RPS6KA5: variants seen among roughly 807,000 people sequenced by gnomAD.
RPS6KA5 encodes ribosomal protein S6 kinase alpha-5.
Under a neutral mutation model 85.5 loss-of-function variants are expected in RPS6KA5, and 27 were observed. That is an observed-to-expected ratio of 0.32 (90% CI 0.23 to 0.44). The LOEUF is 0.44. Among genes scored for constraint, RPS6KA5 ranks in the 20% least tolerant of loss-of-function variants. RPS6KA5 has a pLI of 1.00. For synonymous variants in RPS6KA5, 334 were observed against 348.2 expected, an observed-to-expected ratio of 0.96 and a Z score of 0.46; for missense variants, 811 against 980.9, an observed-to-expected ratio of 0.83 and a Z score of 2.31.
chr14:91,009,104 A>G (rs887142792), intron 1 of RPS6KA5, among the ~76,000 whole-genome samples: 1 of 152,106 alleles, frequency 6.6e-6, no homozygotes, highest in African/African-American at 2.4e-5. Context: ...TTTTTTCCCT[A>G]TTGGCCCCTG....
intron 1 of RPS6KA5, among the ~76,000 whole-genome samples, chr14:91,033,136 G>A (rs981794874): frequency 5.3e-5 from 8 of 150,172 alleles, no homozygotes; most frequent in East Asian, 2.0e-4. Flanking sequence ...GCAGTGAGCC[G>A]ACATTGGGGC....
At chr14:90,932,285 G>A (rs553657698) in intron 5 of RPS6KA5, among the ~76,000 whole-genome samples, 107 of 152,014 alleles carry the variant, frequency 7.0e-4, no homozygotes, top group African/African-American at 2.3e-3. Context: ...CACCATGCTC[G>A]GCTAATTTTT....
Position 90,942,895 on chromosome 14 carries a change from G to C in RPS6KA5, c.618+183C>G, listed in dbSNP as rs998543865. Reference sequence around the variant, plus strand: ...TCTGATATACCCATCAAGGTTTACCGCAATTTTAACAGGACGGCTCCATAC... The same window carrying C: ...TCTGATATACCCATCAAGGTTTACCCCAATTTTAACAGGACGGCTCCATAC... On this transcript the variant is annotated intron_variant, in intron 5 of 16. Transcript: ENST00000614987. Among the ~76,000 whole-genome samples the C allele has an allele frequency of 3.3e-5, 5 of 151,980 alleles. No homozygotes were observed. The South Asian group carries it at 8.3e-4, about 25-fold the overall frequency.
intron 2 of RPS6KA5, among the ~76,000 whole-genome samples, chr14:90,994,709 G>A (rs1395290945): frequency 6.6e-6 from 1 of 151,192 alleles, no homozygotes; most frequent in Non-Finnish European, 1.5e-5. Context: ...CTAGCTGGGA[G>A]TACAGGTGCC....
chr14:90,961,774 T>G (rs191350624), intron 3 of RPS6KA5, among the ~76,000 whole-genome samples: 125 of 152,308 alleles, frequency 8.2e-4, no homozygotes, highest in African/African-American at 2.9e-3. Context: ...GACAGCAATT[T>G]ACATCTTGCA....
intron 6 of RPS6KA5, 127 bp from the exon 7 acceptor site, chr14:90,920,436 T>C (rs2036345699): frequency 1.6e-6 from 1 of 643,570 alleles, no homozygotes; most frequent in Admixed American, 2.9e-5. Context: ...CCTCCTTCTA[T>C]GTAAGGAGTA....
intron 5 of RPS6KA5, among the ~76,000 whole-genome samples, chr14:90,934,200 G>C (rs967358188): frequency 3.3e-5 from 5 of 152,134 alleles, no homozygotes; most frequent in African/African-American, 1.2e-4. Flanking sequence ...ATAGAACAGT[G>C]CCTGGATCAC....
At chr14:91,059,316 A>G (rs760947772) in intron 1 of RPS6KA5, among the ~76,000 whole-genome samples, 5 of 149,572 alleles carry the variant, frequency 3.3e-5, no homozygotes, top group Admixed American at 6.7e-5. Context: ...CTCCAGCCTG[A>G]GCAACAAGAG....
chr14:91,046,484 C>T (rs1330482701), intron 1 of RPS6KA5, among the ~76,000 whole-genome samples: 1 of 152,158 alleles, frequency 6.6e-6, no homozygotes, highest in East Asian at 1.9e-4. Flanking sequence ...ACCGCTAAGA[C>T]TCTGTTCATG....
At chr14:91,044,417 GAAA>G (rs2042775662) in intron 1 of RPS6KA5, among the ~76,000 whole-genome samples, 1 of 107,418 alleles carries the variant, frequency 9.3e-6, no homozygotes, top group Non-Finnish European at 1.9e-5. Context: ...AAGAAAGAAA[GAAA>G]GAAAGAAAGA....
intron 14 of RPS6KA5, among the ~76,000 whole-genome samples, chr14:90,881,837 T>C (rs2033864045): frequency 6.6e-6 from 1 of 152,212 alleles, no homozygotes; most frequent in Non-Finnish European, 1.5e-5. Flanking sequence ...TGGAATATCT[T>C]TTCCCATAGT....
At chr14:90,940,409 ACT>A (rs1442594642) in intron 5 of RPS6KA5, among the ~76,000 whole-genome samples, 1 of 152,034 alleles carries the variant, frequency 6.6e-6, no homozygotes, top group Non-Finnish European at 1.5e-5. Flanking sequence ...CTAGCAGCAA[ACT>A]CTCCTCTTGT....
In RPS6KA5 at chr14:90,871,400, G is replaced by A. The variant is rs2033100920; in HGVS notation, c.*674C>T. On this transcript the variant is annotated 3_prime_UTR_variant, in exon 17 of 17. Transcript: ENST00000614987. The stretch of plus-strand genomic sequence containing the variant: ...CATTAAAACAAATTGCCAGGAAAGA[G>A]CAGTGCAAAATTAAAAACATACACA... The A allele has an allele frequency of 6.6e-6, 1 of 152,036 alleles. No individual in the cohort carries two copies. Among genetic ancestry groups the A allele is most frequent in the Admixed American group, 6.6e-5 (1 of 15,234 alleles). The allele number at this position is 152,036 out of a possible 1,614,324, so 9.4% of individuals were successfully genotyped here.
chr14:90,952,427 A>G (rs1485625694), intron 3 of RPS6KA5, among the ~76,000 whole-genome samples: 3 of 152,262 alleles, frequency 2.0e-5, no homozygotes, highest in Non-Finnish European at 4.4e-5. Flanking sequence ...ACGAATTCTC[A>G]AAAGATCTAA....
rs1202928271 is a variant in RPS6KA5 at position 90,990,454 on chromosome 14, G to A, written c.175+10634C>T. ...GGGAATGTAAATTACATCAGCCACT[G>A]TGGAAAGCAGTTGAAATTTTTCAAA... On this transcript the variant is annotated intron_variant, in intron 2 of 16. Transcript: ENST00000614987. Among the ~76,000 whole-genome samples the A allele has an allele frequency of 3.3e-5, 5 of 152,212 alleles. 1 individual carries two copies. Among genetic ancestry groups the A allele is most frequent in the Admixed American group, 3.3e-4 (5 of 15,282 alleles).
At chr14:90,901,314 G>A (rs777663758) in intron 9 of RPS6KA5, among the ~76,000 whole-genome samples, 8 of 152,080 alleles carry the variant, frequency 5.3e-5, no homozygotes, top group Non-Finnish European at 8.8e-5. Flanking sequence ...CTGACCTCAA[G>A]TGATCAACCC....
At chr14:90,960,100 T>C (rs1250911255) in intron 3 of RPS6KA5, among the ~76,000 whole-genome samples, 1 of 152,122 alleles carries the variant, frequency 6.6e-6, no homozygotes, top group East Asian at 1.9e-4. Flanking sequence ...ATCCTAGAGA[T>C]TCTTTGTATT....
intron 5 of RPS6KA5, among the ~76,000 whole-genome samples, chr14:90,941,798 T>C (rs1641871566): frequency 6.6e-6 from 1 of 152,240 alleles, no homozygotes; most frequent in South Asian, 2.1e-4. Context: ...GTTGCTATTT[T>C]CTCTTTTCCC....
chr14:90,906,267 T>C lies in RPS6KA5; in HGVS notation c.839A>G (p.Gln280Arg), dbSNP rs371531566. The C allele has an allele frequency of 3.1e-6, 5 of 1,610,590 alleles. No individual in the cohort carries two copies. Among genetic ancestry groups the C allele is most frequent in the Non-Finnish European group, 4.2e-6 (5 of 1,177,592 alleles). ...GTCTTTCGCTAAAGCACTCATTTCT[T>C]GGGGATATGGAGGCTCACTTTTTAA... ...RILKSEPPYP[Q>R]EMSALAKDLI... Residue 280 changes from glutamine to arginine, a missense_variant, in exon 8 of 17, where the codon CAA (glutamine) becomes CGA (arginine). Physicochemically the swap from Gln to Arg is conservative, Grantham distance 43. Around this residue, in one of 3 missense-constraint regions of RPS6KA5, gnomAD observed 650 missense variants for 793.4 expected, o/e 0.82. Coordinates refer to ENST00000614987, the MANE Select transcript of RPS6KA5 (RefSeq NM_004755.4).
Sources: allele counts gnomAD v4.1 joint callset (sites outside exome capture counted in the v4.1 genomes callset), GRCh38; gene constraint gnomAD v4.1.1; regional missense constraint gnomAD v4.1.1; transcripts MANE v1.5; gene names NCBI Gene and HGNC (gene_info 2026-07-23, HGNC 2026-07-21).